Variants in PRTFDC1 observed in about 807,000 individuals in gnomAD.
PRTFDC1 encodes the protein phosphoribosyl transferase domain containing 1.
A neutral mutation model predicts 34.6 loss-of-function variants in PRTFDC1; 38 were observed. That is an observed-to-expected ratio of 1.10 (90% CI 0.85 to 1.44). The LOEUF (loss-of-function observed/expected upper bound fraction) is 1.44, where lower values mean the gene tolerates loss of function less well. PRTFDC1 is among the 40% of genes most tolerant of loss of function. The pLI is 0.00. For missense variants in PRTFDC1, 270 were observed against 283.0 expected, an observed-to-expected ratio of 0.95 and a Z score of 0.33; for synonymous variants, 93 against 98.1, an observed-to-expected ratio of 0.95 and a Z score of 0.31.
intron 3 of PRTFDC1, among the ~76,000 whole-genome samples, chr10:24,886,401 G>A (rs1848164283): frequency 1.3e-5 from 2 of 152,182 alleles, no homozygotes; most frequent in Non-Finnish European, 1.5e-5. Flanking sequence ...GGGAAGTGAT[G>A]TTGCTGGAGC....
intron 3 of PRTFDC1, among the ~76,000 whole-genome samples, chr10:24,886,742 A>G (rs11014281): frequency 0.27 from 41,690 of 151,732 alleles, 6,823 homozygotes; most frequent in African/African-American, 0.45. Context: ...CTCCAGAGTA[A>G]CTGGGATTGC....
chr10:24,870,117 T>C (rs765464637), intron 4 of PRTFDC1, among the ~76,000 whole-genome samples: 134 of 152,150 alleles, frequency 8.8e-4, no homozygotes, highest in Admixed American at 5.2e-3. Flanking sequence ...TTATTATTAT[T>C]ATTTTTTTAA....
At chr10:24,950,981 T>C (rs1444157446) in intron 1 of PRTFDC1, among the ~76,000 whole-genome samples, 1 of 152,212 alleles carries the variant, frequency 6.6e-6, no homozygotes, top group Non-Finnish European at 1.5e-5. Context: ...AGAATGAACT[T>C]AATGATTGCC....
chr10:24,884,690 C>T (rs1322433936), intron 3 of PRTFDC1, among the ~76,000 whole-genome samples: 1 of 152,138 alleles, frequency 6.6e-6, no homozygotes, highest in African/African-American at 2.4e-5. Flanking sequence ...TGAAGTAGGC[C>T]TGCCCTCCTC....
chr10:24,947,155 A>G (rs1263013453), intron 1 of PRTFDC1, among the ~76,000 whole-genome samples: 2 of 152,204 alleles, frequency 1.3e-5, no homozygotes, highest in Admixed American at 1.3e-4. Context: ...CAAAACAAAA[A>G]GTATAAAAGT....
intron 3 of PRTFDC1, among the ~76,000 whole-genome samples, chr10:24,922,514 A>T (rs1359986290): frequency 6.6e-6 from 1 of 152,150 alleles, no homozygotes; most frequent in East Asian, 1.9e-4. Context: ...AATAAGTCTC[A>T]TGAGATCTGA....
At chr10:24,851,904 A>G (rs1847497023) in intron 7 of PRTFDC1, among the ~76,000 whole-genome samples, 2 of 151,892 alleles carry the variant, frequency 1.3e-5, no homozygotes, top group African/African-American at 4.8e-5. Context: ...GGCCACAGCA[A>G]CTAGAAAGCA....
At chr10:24,908,529 G>T (rs1291537026) in intron 3 of PRTFDC1, 25 of 1,612,586 alleles carry the variant, frequency 1.6e-5, no homozygotes, top group Non-Finnish European at 2.1e-5. Flanking sequence ...CTTGGTAACT[G>T]AAACCGGATG....
chr10:24,866,576 C>T (rs1441884988), intron 4 of PRTFDC1, among the ~76,000 whole-genome samples: 1 of 151,918 alleles, frequency 6.6e-6, no homozygotes, highest in Non-Finnish European at 1.5e-5. Context: ...TTATGAAGTG[C>T]CAATATTAAA....
At chr10:24,910,871 A>G (rs1239503043) in intron 3 of PRTFDC1, among the ~76,000 whole-genome samples, 2 of 152,108 alleles carry the variant, frequency 1.3e-5, no homozygotes, top group Non-Finnish European at 2.9e-5. Flanking sequence ...CTAAGGAGAC[A>G]GATGCCTAGA....
At position 24,877,196 on chromosome 10, in the gene PRTFDC1, C is replaced by T. The variant is rs562540309; in HGVS notation, c.340-5133G>A. On this transcript the variant is annotated intron_variant, in intron 3 of 8. Coordinates refer to ENST00000320152, the MANE Select transcript of PRTFDC1 (RefSeq NM_020200.7). ...TTAATCAGGCACATACCACCATGCC[C>T]GACTAATTTTTTTTTTCCAGTAGAG... Among the ~76,000 whole-genome samples, 3 of 152,092 alleles carry T rather than the reference C, an allele frequency of 2.0e-5. No homozygotes were observed. In the South Asian group the frequency reaches 6.2e-4, roughly 32 times the overall value.
chr10:24,867,013 A>G (rs1288622990), intron 4 of PRTFDC1, among the ~76,000 whole-genome samples: 1 of 151,884 alleles, frequency 6.6e-6, no homozygotes, highest in Non-Finnish European at 1.5e-5. Flanking sequence ...GAAATGGAAG[A>G]AAGAAAGAAA....
chr10:24,858,381 T>C lies in PRTFDC1; in HGVS notation c.423+11A>G. 4 of 1,612,564 alleles carry C rather than the reference T, an allele frequency of 2.5e-6. No individual in the cohort carries two copies. The highest frequency in any genetic ancestry group is 3.4e-6 in the Non-Finnish European group (4 of 1,178,704). On this transcript the variant is annotated intron_variant, in intron 5 of 8. Coordinates refer to ENST00000320152, the MANE Select transcript of PRTFDC1 (RefSeq NM_020200.7). ...CAACCTCCAAGTATGGAAAAGGAAA[T>C]GCCAGCTTACCTCAACAATGAGAAC...
chr10:24,891,922 T>A (rs1404811520), intron 3 of PRTFDC1, among the ~76,000 whole-genome samples: 1 of 152,210 alleles, frequency 6.6e-6, no homozygotes, highest in Admixed American at 6.5e-5. Context: ...CCACTTAACA[T>A]AACCTCCCCC....
chr10:24,930,749 A>G (rs1442868083), intron 3 of PRTFDC1, among the ~76,000 whole-genome samples: 1 of 152,120 alleles, frequency 6.6e-6, no homozygotes, highest in Non-Finnish European at 1.5e-5. Context: ...TAGTACAAAT[A>G]TAATAAGGCT....
intron 3 of PRTFDC1, among the ~76,000 whole-genome samples, chr10:24,884,182 A>G (rs1848127791): frequency 6.6e-6 from 1 of 151,938 alleles, no homozygotes; most frequent in Non-Finnish European, 1.5e-5. Flanking sequence ...AGGAAGATTT[A>G]GAATTATCAC....
chr10:24,872,180 T>C (rs1847882245), intron 3 of PRTFDC1, 117 bp from the exon 4 acceptor site: 2 of 821,856 alleles, frequency 2.4e-6, no homozygotes, highest in Non-Finnish European at 2.0e-6. Context: ...ATAGCACAAA[T>C]AGCTAATAGG....
intron 3 of PRTFDC1, among the ~76,000 whole-genome samples, chr10:24,894,457 T>C (rs574603000): frequency 9.8e-5 from 15 of 152,308 alleles, no homozygotes; most frequent in Admixed American, 9.8e-4. Context: ...TGCTGACCAC[T>C]GACCATCACC....
chr10:24,887,953 G>C (rs558797436), intron 3 of PRTFDC1, among the ~76,000 whole-genome samples: 1 of 152,086 alleles, frequency 6.6e-6, no homozygotes, highest in African/African-American at 2.4e-5. Context: ...TAGAGACAGG[G>C]TCTCACTATA....
Sources: gnomAD v4.1 joint callset for allele counts (sites outside exome capture counted in the v4.1 genomes callset) on GRCh38, gnomAD v4.1.1 for gene constraint, MANE v1.5 for transcripts, NCBI Gene and HGNC (gene_info 2026-07-23, HGNC 2026-07-21) for gene names.